The following NUMB variants were observed in gnomAD, a reference collection of about 807,000 sequenced individuals.
NUMB encodes the protein NUMB endocytic adaptor protein.
In NUMB, 29 loss-of-function variants were observed where a neutral mutation model predicts 59.7. The ratio of observed to expected loss-of-function variants is 0.49; its 90% CI spans 0.36 to 0.66. The LOEUF (loss-of-function observed/expected upper bound fraction) is 0.66. Among genes scored for constraint, NUMB ranks in the 30% least tolerant of loss-of-function variants. The pLI, the probability that NUMB is intolerant of heterozygous loss-of-function variation, is 0.00. For synonymous variants in NUMB, 288 were observed against 288.2 expected (o/e 1.00, Z 0.01); for missense variants, 723 against 822.0 (o/e 0.88, Z 1.47).
chr14:73,453,545 CTGTAT>C (rs1566805094), intron 1 of NUMB, among the ~76,000 whole-genome samples: 2 of 151,966 alleles, frequency 1.3e-5, no homozygotes, highest in Admixed American at 1.3e-4. Context: ...TCCTAAAGCC[CTGTAT>C]TGTATTTCTA....
intron 4 of NUMB, among the ~76,000 whole-genome samples, chr14:73,343,226 C>G (rs1253585667): frequency 6.6e-6 from 1 of 152,000 alleles, no homozygotes; most frequent in Non-Finnish European, 1.5e-5. Flanking sequence ...AAGACCATAT[C>G]TGCAATTAGG....
At chr14:73,356,768 T>C (rs762698891) in intron 3 of NUMB, among the ~76,000 whole-genome samples, 3 of 152,148 alleles carry the variant, frequency 2.0e-5, no homozygotes, top group African/African-American at 7.2e-5. Context: ...TCACAGCTCA[T>C]TGCAACCTTT....
At chr14:73,324,988 G>C (rs1287559920) in intron 4 of NUMB, among the ~76,000 whole-genome samples, 2 of 150,602 alleles carry the variant, frequency 1.3e-5, no homozygotes, top group Admixed American at 6.6e-5. Context: ...GAAAATGCTT[G>C]CTACTGCCAC....
intron 1 of NUMB, among the ~76,000 whole-genome samples, chr14:73,420,080 G>T (rs1897293264): frequency 6.6e-6 from 1 of 152,150 alleles, no homozygotes; most frequent in South Asian, 2.1e-4. Flanking sequence ...TGGCCAAGCT[G>T]GTCTTCCTGA....
Position 73,354,197 on chromosome 14 carries a change from T to G in NUMB, c.126+1429A>C, listed in dbSNP as rs147390365. On this transcript the variant is annotated intron_variant, in intron 4 of 12. Coordinates refer to ENST00000555238, the MANE Select transcript of NUMB (RefSeq NM_001005743.2). ...GCAGTAAAAAGGAGGAAGAAAATCA[T>G]AAGAATATTTACACTTATAAGAATA... Among the ~76,000 whole-genome samples the G allele has an allele frequency of 1.0e-3, 154 of 151,990 alleles. 1 individual carries two copies. The highest frequency in any genetic ancestry group is 2.2e-3 in the African/African-American group (92 of 41,478).
In NUMB at chr14:73,277,266, G is replaced by T; in HGVS notation, c.1268C>A (p.Ala423Asp). The change falls in exon 13 of 13, where the codon GCT becomes GAT. Residue 423 changes from alanine (A) to aspartate (D), a missense_variant. This residue lies in a region of NUMB where 406 missense variants were observed against 385.4 expected (regional missense o/e 1.05). Coordinates refer to ENST00000555238, the MANE Select transcript of NUMB (RefSeq NM_001005743.2). Reference sequence around the variant, plus strand: ...GGCCTGGAAGAGACCTGGAGAGGCAGCACCAGAAGATTGACCCCACTCGGT... The same window carrying T: ...GGCCTGGAAGAGACCTGGAGAGGCATCACCAGAAGATTGACCCCACTCGGT... ...SGTEWGQSSG[A>D]ASPGLFQAGH... 6.2e-7 allele frequency: 1 copy of T among 1,603,810 alleles called. No individual in the cohort carries two copies. The highest frequency in any genetic ancestry group is 8.5e-7 in the Non-Finnish European group (1 of 1,171,522).
At chr14:73,445,174 G>A (rs1883383822) in intron 1 of NUMB, among the ~76,000 whole-genome samples, 1 of 151,488 alleles carries the variant, frequency 6.6e-6, no homozygotes, top group Non-Finnish European at 1.5e-5. Context: ...GGCAACACAG[G>A]AGATCCCAAC....
chr14:73,362,236 G>T (rs1219113816), intron 3 of NUMB, among the ~76,000 whole-genome samples: 1 of 151,758 alleles, frequency 6.6e-6, no homozygotes, highest in East Asian at 1.9e-4. Flanking sequence ...CAGCCTAGGT[G>T]ACAGAGTGAT....
intron 1 of NUMB, among the ~76,000 whole-genome samples, chr14:73,440,086 T>C (rs904603303): frequency 4.2e-4 from 64 of 152,112 alleles, no homozygotes; most frequent in African/African-American, 1.3e-3. Context: ...GGCCAACAAA[T>C]TGCTATTGGA....
intron 4 of NUMB, among the ~76,000 whole-genome samples, chr14:73,352,508 ATATATATATATATATATATATG>A (rs1893421759): frequency 4.0e-4 from 5 of 12,400 alleles, no homozygotes; most frequent in African/African-American, 5.5e-4. Flanking sequence ...ATATATATAT[ATATATATATATATATATATATG>A]TTTTTTTTTT....
intron 6 of NUMB, among the ~76,000 whole-genome samples, chr14:73,309,393 A>G (rs1246063460): frequency 6.6e-6 from 1 of 152,184 alleles, no homozygotes; most frequent in East Asian, 1.9e-4. Flanking sequence ...ATGCAGCCGT[A>G]AAAAAGAATG....
At chr14:73,301,671 A>G (rs1185385707) in intron 6 of NUMB, among the ~76,000 whole-genome samples, 1 of 152,180 alleles carries the variant, frequency 6.6e-6, no homozygotes, top group African/African-American at 2.4e-5. Flanking sequence ...CAGTGACATA[A>G]TCATAATTCA....
intron 4 of NUMB, among the ~76,000 whole-genome samples, chr14:73,332,721 C>A (rs1892054037): frequency 9.2e-5 from 3 of 32,772 alleles, no homozygotes; most frequent in South Asian, 8.3e-4. Flanking sequence ...TGTATTCAAC[C>A]CCCCGATTCT....
intron 8 of NUMB, among the ~76,000 whole-genome samples, chr14:73,291,086 G>GTT (rs914196611): frequency 7.0e-6 from 1 of 142,054 alleles, no homozygotes; most frequent in Non-Finnish European, 1.5e-5. Context: ...TTTGTTTTTT[G>GTT]TTTTTTTTTT....
intron 5 of NUMB, among the ~76,000 whole-genome samples, chr14:73,318,477 A>T (rs1485231594): frequency 7.2e-5 from 11 of 152,234 alleles, no homozygotes; most frequent in Admixed American, 7.2e-4. Context: ...AACTAGTCTA[A>T]AACTAAGACA....
intron 3 of NUMB, among the ~76,000 whole-genome samples, chr14:73,361,370 C>G (rs569763517): frequency 6.6e-6 from 1 of 152,214 alleles, no homozygotes; most frequent in South Asian, 2.1e-4. Flanking sequence ...GACCAAGAAG[C>G]TAATTGTTCA....
intron 1 of NUMB, among the ~76,000 whole-genome samples, chr14:73,420,826 T>C (rs890877947): frequency 3.3e-5 from 5 of 152,080 alleles, no homozygotes; most frequent in African/African-American, 4.8e-5. Context: ...AGAATCACCA[T>C]GAATATGGCT....
chr14:73,358,817 A>C (rs1893950187), intron 3 of NUMB, among the ~76,000 whole-genome samples: 1 of 152,172 alleles, frequency 6.6e-6, no homozygotes, highest in African/African-American at 2.4e-5. Context: ...AGCATACTAT[A>C]AATTTGAAGA....
chr14:73,372,189 T>C (rs991398360), intron 2 of NUMB, among the ~76,000 whole-genome samples: 3 of 150,480 alleles, frequency 2.0e-5, no homozygotes, highest in Admixed American at 6.7e-5. Context: ...CCCAAGATCA[T>C]GCCACTGCAC....
Sources: gnomAD v4.1 joint callset for allele counts (sites outside exome capture counted in the v4.1 genomes callset) on GRCh38, gnomAD v4.1.1 for gene constraint, gnomAD v4.1.1 regional missense constraint, MANE v1.5 for transcripts, NCBI Gene and HGNC (gene_info 2026-07-23, HGNC 2026-07-21) for gene names.